PRDM5: variants seen among roughly 807,000 people sequenced by gnomAD.
PRDM5 encodes PR/SET domain 5.
A neutral mutation model predicts 81.2 loss-of-function variants in PRDM5; 56 were observed. The observed-to-expected ratio is 0.69, with a 90% CI of 0.56 to 0.86. The LOEUF (loss-of-function observed/expected upper bound fraction) is 0.86, where lower values mean the gene tolerates loss of function less well. Ranked by LOEUF, PRDM5 falls within the 40% of genes least tolerant of loss-of-function variation. The pLI is 0.00. For missense variants in PRDM5, 697 were observed against 770.1 expected, an observed-to-expected ratio of 0.91 and a Z score of 1.12; for synonymous variants, 267 against 256.4, an observed-to-expected ratio of 1.04 and a Z score of -0.39.
chr4:120,863,189 T>TACACACACACAC (rs1232966826), intron 2 of PRDM5, among the ~76,000 whole-genome samples: 34 of 37,358 alleles, frequency 9.1e-4, no homozygotes, highest in African/African-American at 2.0e-3. Flanking sequence ...TATATATATA[T>TACACACACACAC]ATACACACAC....
At chr4:120,768,549 G>T (rs929960502) in intron 13 of PRDM5, among the ~76,000 whole-genome samples, 5 of 152,054 alleles carry the variant, frequency 3.3e-5, no homozygotes, top group Admixed American at 3.3e-4. Context: ...CTGAAAATAG[G>T]TATTTATATA....
chr4:120,864,510 G>A (rs1760986573), intron 2 of PRDM5, among the ~76,000 whole-genome samples: 1 of 152,146 alleles, frequency 6.6e-6, no homozygotes, highest in Non-Finnish European at 1.5e-5. Flanking sequence ...GAGGAACACA[G>A]CAAATCCTTT....
intron 2 of PRDM5, among the ~76,000 whole-genome samples, chr4:120,855,280 C>A (rs979185052): frequency 6.6e-6 from 1 of 152,140 alleles, no homozygotes; most frequent in Non-Finnish European, 1.5e-5. Flanking sequence ...CAGACCATCA[C>A]TGGGAAGCAC....
At chr4:120,747,866 G>A (rs1469292240) in intron 14 of PRDM5, among the ~76,000 whole-genome samples, 2 of 152,210 alleles carry the variant, frequency 1.3e-5, no homozygotes, top group Non-Finnish European at 2.9e-5. Flanking sequence ...TTGGGTTTTT[G>A]AAATGTGTTC....
intron 8 of PRDM5, among the ~76,000 whole-genome samples, chr4:120,804,118 C>T (rs1307533000): frequency 1.3e-5 from 2 of 152,016 alleles, no homozygotes; most frequent in African/African-American, 4.8e-5. Flanking sequence ...CATTACATAA[C>T]GATAAAGGGA....
rs370386527 is a variant in PRDM5, at chr4:120,922,643, A to G, written c.-35T>C. On this transcript the variant is annotated 5_prime_UTR_variant, in exon 1 of 16. Coordinates refer to ENST00000264808, the MANE Select transcript of PRDM5 (RefSeq NM_018699.4). ...CGCGGCGGCCGCCGCCTCTCTCAAC[A>G]CCGGCGCTTAGCGCCCGGCAGGCGG... is the stretch of plus-strand genomic sequence containing the variant. 2.5e-6 allele frequency: 4 copies of G among 1,569,026 alleles called. No homozygotes were observed. Among genetic ancestry groups the G allele is most frequent in the Non-Finnish European group, 3.5e-6 (4 of 1,157,812 alleles).
chr4:120,686,088 A>G (rs1054430966), intron 1 of PRDM5, among the ~76,000 whole-genome samples: 3 of 151,960 alleles, frequency 2.0e-5, no homozygotes, highest in African/African-American at 7.3e-5. Flanking sequence ...GCCATGTGAT[A>G]TGCATTCTCC....
chr4:120,860,613 G>GGAA (rs1256256140), intron 2 of PRDM5, among the ~76,000 whole-genome samples: 1 of 149,102 alleles, frequency 6.7e-6, no homozygotes, highest in Non-Finnish European at 1.5e-5. Flanking sequence ...CTCCCTTCTT[G>GGAA]GAAAAAAAAA....
At chr4:120,744,166 G>C (rs1239302937) in intron 14 of PRDM5, among the ~76,000 whole-genome samples, 1 of 151,966 alleles carries the variant, frequency 6.6e-6, no homozygotes, top group African/African-American at 2.4e-5. Flanking sequence ...TGAACAACGT[G>C]CTCCTGAATG....
At chr4:120,749,106 T>C (rs949337587) in intron 14 of PRDM5, among the ~76,000 whole-genome samples, 1 of 151,892 alleles carries the variant, frequency 6.6e-6, no homozygotes, top group Non-Finnish European at 1.5e-5. Flanking sequence ...AACTTAATAA[T>C]GACAAAAAGC....
chr4:120,856,457 G>A (rs2251270), intron 2 of PRDM5, among the ~76,000 whole-genome samples: 115,150 of 152,100 alleles, frequency 0.76, 43,769 homozygotes, highest in East Asian at 0.88. Flanking sequence ...TCTGGGGCCT[G>A]CCTGTTTTCT....
intron 2 of PRDM5, among the ~76,000 whole-genome samples, chr4:120,861,054 C>A (rs950987311): frequency 6.6e-6 from 1 of 152,212 alleles, no homozygotes. Context: ...GTGGCCCAGG[C>A]TGGAGTGCAG....
At chr4:120,851,357 C>T (rs1412228928) in intron 3 of PRDM5, among the ~76,000 whole-genome samples, 3 of 150,918 alleles carry the variant, frequency 2.0e-5, no homozygotes, top group African/African-American at 2.4e-5. Flanking sequence ...AAACTGAGTC[C>T]GTAAATTAAA....
intron 3 of PRDM5, among the ~76,000 whole-genome samples, chr4:120,826,947 G>A (rs909876146): frequency 1.3e-5 from 2 of 152,132 alleles, no homozygotes; most frequent in Non-Finnish European, 2.9e-5. Context: ...CACTAACTGT[G>A]AATTTTTGCT....
chr4:120,832,825 C>T (rs1756885067), intron 3 of PRDM5, among the ~76,000 whole-genome samples: 1 of 151,988 alleles, frequency 6.6e-6, no homozygotes, highest in African/African-American at 2.4e-5. Context: ...AAAAGTTGGT[C>T]AACAGTTGAG....
chr4:120,839,961 A>T (rs954774159), intron 3 of PRDM5, among the ~76,000 whole-genome samples: 12 of 152,214 alleles, frequency 7.9e-5, no homozygotes, highest in Non-Finnish European at 1.6e-4. Context: ...TGTGACAGCA[A>T]CCGGGCTCAG....
At chr4:120,823,666 C>T (rs769671835) in intron 3 of PRDM5, among the ~76,000 whole-genome samples, 8 of 152,208 alleles carry the variant, frequency 5.3e-5, no homozygotes, top group Non-Finnish European at 1.2e-4. Flanking sequence ...TCCCTACAAA[C>T]CTCAGATTGA....
intron 15 of PRDM5, among the ~76,000 whole-genome samples, chr4:120,697,325 C>G (rs926077089): frequency 4.6e-5 from 7 of 152,064 alleles, no homozygotes; most frequent in African/African-American, 1.7e-4. Flanking sequence ...AGAGAGCAAG[C>G]CTTTGAAGAA....
chr4:120,778,233 C>A (rs1035379026), intron 12 of PRDM5, among the ~76,000 whole-genome samples: 1 of 152,000 alleles, frequency 6.6e-6, no homozygotes, highest in Admixed American at 6.6e-5. Context: ...TTACAATCAT[C>A]TAGGTTATAA....
Sources: gnomAD v4.1 joint callset for allele counts (sites outside exome capture counted in the v4.1 genomes callset) on GRCh38, gnomAD v4.1.1 for gene constraint, MANE v1.5 for transcripts, NCBI Gene and HGNC (gene_info 2026-07-23, HGNC 2026-07-21) for gene names.